Variants in NUP35 observed in about 807,000 individuals in gnomAD.
NUP35 encodes the protein nucleoporin 35, also known as nucleoporin NUP35.
In NUP35, 25 loss-of-function variants were observed where a neutral mutation model predicts 41.5. That is an observed-to-expected ratio of 0.60 (90% CI 0.44 to 0.84). The LOEUF is 0.84. NUP35 is among the 40% of genes least tolerant of loss of function. The pLI is 0.00. For missense variants in NUP35, 396 were observed against 396.6 expected (o/e 1.00, Z 0.01); for synonymous variants, 149 against 130.7 (o/e 1.14, Z -0.96).
At chr2:183,147,913 T>C (rs1472849880) in intron 4 of NUP35, among the ~76,000 whole-genome samples, 2 of 140,126 alleles carry the variant, frequency 1.4e-5, no homozygotes, top group Non-Finnish European at 3.1e-5. Flanking sequence ...CTAGGTATTT[T>C]AATTTTTTTT....
chr2:183,155,898 C>T (rs1402573067), intron 5 of NUP35, among the ~76,000 whole-genome samples: 4 of 152,016 alleles, frequency 2.6e-5, no homozygotes, highest in Admixed American at 6.6e-5. Flanking sequence ...TTTTTACTTT[C>T]GTGTTTTAAT....
chr2:183,153,257 G>GC (rs570845202), intron 5 of NUP35, among the ~76,000 whole-genome samples: 433 of 152,144 alleles, frequency 2.8e-3, no homozygotes, highest in Non-Finnish European at 4.8e-3. Flanking sequence ...TTCATCCTTG[G>GC]CCCCTCTAAA....
chr2:183,139,208 C>CT (rs146370641), intron 4 of NUP35, among the ~76,000 whole-genome samples: 796 of 76,120 alleles, frequency 0.01, 15 homozygotes, highest in African/African-American at 0.039. Context: ...GCATTTCTTT[C>CT]TTTCTTTTTT....
intron 6 of NUP35, among the ~76,000 whole-genome samples, chr2:183,157,903 A>G (rs147602216): frequency 1.6e-3 from 246 of 152,256 alleles, no homozygotes; most frequent in African/African-American, 5.7e-3. Flanking sequence ...TCTAAAATTT[A>G]AAAAATTATC....
rs561465466 is a variant in NUP35 at position 183,126,298 on chromosome 2, G to A, written c.40+1801G>A. ...CCTGCCTCGGCCTCCCAAAATCCTG[G>A]GATTAGAGGCTTGCGCCTTCTACTG... On this transcript the variant is annotated intron_variant, in intron 1 of 8. Coordinates refer to ENST00000295119, the MANE Select transcript of NUP35 (RefSeq NM_138285.5). Among the ~76,000 whole-genome samples the A allele has an allele frequency of 2.6e-5, 4 of 152,292 alleles. No homozygotes were observed. In the South Asian group the frequency reaches 6.2e-4, roughly 24 times the overall value.
At chr2:183,150,298 A>G (rs1685423117) in intron 4 of NUP35, among the ~76,000 whole-genome samples, 1 of 152,110 alleles carries the variant, frequency 6.6e-6, no homozygotes, top group Non-Finnish European at 1.5e-5. Flanking sequence ...TTAGAGCTTT[A>G]GCTTTTACAG....
intron 4 of NUP35, among the ~76,000 whole-genome samples, chr2:183,134,995 C>A (rs1684826732): frequency 6.6e-6 from 1 of 152,080 alleles, no homozygotes; most frequent in African/African-American, 2.4e-5. Flanking sequence ...TGGTTCCCTT[C>A]CTCCATCTTC....
chr2:183,143,166 A>AAAG (rs1553532110), intron 4 of NUP35, among the ~76,000 whole-genome samples: 1 of 151,066 alleles, frequency 6.6e-6, no homozygotes, highest in African/African-American at 2.4e-5. Flanking sequence ...AAAAAAAAAA[A>AAAG]AAAAGAAAAG....
At chr2:183,126,721 A>G (rs1041648184) in intron 1 of NUP35, among the ~76,000 whole-genome samples, 1 of 152,084 alleles carries the variant, frequency 6.6e-6, no homozygotes, top group Admixed American at 6.6e-5. Flanking sequence ...AAGACTAAAT[A>G]GTTGGCAGCT....
chr2:183,148,796 C>A (rs1685364985), intron 4 of NUP35, among the ~76,000 whole-genome samples: 1 of 152,090 alleles, frequency 6.6e-6, no homozygotes, highest in Admixed American at 6.6e-5. Context: ...ATAGCTGGGA[C>A]CACAGGCACA....
chr2:183,157,652 AG>A, intron 6 of NUP35, 139 bp downstream of exon 6: 1 of 616,894 alleles, frequency 1.6e-6, no homozygotes, highest in Non-Finnish European at 2.8e-6. Flanking sequence ...CATCCTTTGA[AG>A]TCTGGAAGGC....
intron 1 of NUP35, among the ~76,000 whole-genome samples, chr2:183,119,152 C>A (rs1348239468): frequency 6.6e-6 from 1 of 152,146 alleles, no homozygotes; most frequent in Non-Finnish European, 1.5e-5. Flanking sequence ...TACTGGGAAA[C>A]TGCCTTTTCC....
chr2:183,157,634 A>G (rs1685717481), intron 6 of NUP35, 121 bp downstream of exon 6: 2 of 677,406 alleles, frequency 3.0e-6, no homozygotes, highest in Admixed American at 5.5e-5. Context: ...TTGAGTTTTG[A>G]TATAATACAT....
intron 3 of NUP35, among the ~76,000 whole-genome samples, chr2:183,130,787 T>C (rs1207517213): frequency 1.3e-5 from 2 of 152,320 alleles, no homozygotes; most frequent in East Asian, 3.9e-4. Context: ...TAGGTATGCC[T>C]TATCCACCTG....
intron 4 of NUP35, among the ~76,000 whole-genome samples, chr2:183,138,263 A>ATT (rs1236157351): frequency 0.022 from 1,496 of 66,806 alleles, 12 homozygotes; most frequent in African/African-American, 0.032. Flanking sequence ...ATATATATAT[A>ATT]TATATATTTT....
chr2:183,121,220 T>C (rs1461149611), upstream of NUP35, among the ~76,000 whole-genome samples: 70 of 151,820 alleles, frequency 4.6e-4, no homozygotes, highest in Non-Finnish European at 1.2e-4. Context: ...AAAAAAATAG[T>C]TGGGGTCAGT....
At chr2:183,155,498 A>G (rs1183140956) in intron 5 of NUP35, among the ~76,000 whole-genome samples, 1 of 151,378 alleles carries the variant, frequency 6.6e-6, no homozygotes, top group East Asian at 1.9e-4. Flanking sequence ...ACTCAGTCCT[A>G]TATCCATAGC....
chr2:183,153,873 C>T (rs958721896), intron 5 of NUP35, among the ~76,000 whole-genome samples: 1 of 152,234 alleles, frequency 6.6e-6, no homozygotes, highest in African/African-American at 2.4e-5. Context: ...AGCGGAGGTT[C>T]TCCATGAGGG....
intron 1 of NUP35, among the ~76,000 whole-genome samples, chr2:183,119,341 T>A (rs1431357995): frequency 6.6e-6 from 1 of 152,134 alleles, no homozygotes. Flanking sequence ...ATAGGAAAAG[T>A]TATGGTCCCT....
Sources: allele counts gnomAD v4.1 joint callset (sites outside exome capture counted in the v4.1 genomes callset), GRCh38; gene constraint gnomAD v4.1.1; transcripts MANE v1.5; gene names NCBI Gene and HGNC (gene_info 2026-07-23, HGNC 2026-07-21).